Variants in SOX5 observed in about 807,000 individuals in gnomAD.
SOX5 encodes SRY-box transcription factor 5.
SOX5 carries 9 observed loss-of-function variants against 92.0 expected under a neutral mutation model. The ratio of observed to expected loss-of-function variants is 0.10; its 90% CI spans 0.06 to 0.17. The LOEUF (loss-of-function observed/expected upper bound fraction) is 0.17, where lower values mean the gene tolerates loss of function less well. Ranked by LOEUF, SOX5 falls within the 10% of genes least tolerant of loss-of-function variation. The pLI, the probability that SOX5 is intolerant of heterozygous loss-of-function variation, is 1.00. For synonymous variants in SOX5, 344 were observed against 336.3 expected (o/e 1.02, Z -0.25); for missense variants, 642 against 944.5 (o/e 0.68, Z 4.20).
intron 1 of SOX5, among the ~76,000 whole-genome samples, chr12:24,526,915 C>A (rs1041181668): frequency 6.6e-6 from 1 of 151,896 alleles, no homozygotes; most frequent in Non-Finnish European, 1.5e-5. Context: ...ATCTGCCAGC[C>A]TCAAGTGATT....
chr12:23,743,538 CT>C (rs1477990267), intron 4 of SOX5, among the ~76,000 whole-genome samples: 4 of 152,100 alleles, frequency 2.6e-5, no homozygotes, highest in African/African-American at 9.7e-5. Flanking sequence ...TCTCGAACTC[CT>C]GTCCTCGTGA....
At chr12:23,683,260 T>C (rs1045337258) in intron 6 of SOX5, among the ~76,000 whole-genome samples, 1 of 151,892 alleles carries the variant, frequency 6.6e-6, no homozygotes, top group Non-Finnish European at 1.5e-5. Context: ...GTTATTCTGC[T>C]TGTGTCTGAT....
intron 4 of SOX5, among the ~76,000 whole-genome samples, chr12:23,998,826 G>T (rs1410883214): frequency 9.3e-6 from 1 of 107,656 alleles, no homozygotes; most frequent in Non-Finnish European, 1.9e-5. Context: ...AAAAAAAAAA[G>T]GGGGGGCGAA....
upstream of SOX5, among the ~76,000 whole-genome samples, chr12:23,955,406 T>A (rs898830453): frequency 1.3e-5 from 2 of 152,210 alleles, no homozygotes; most frequent in Non-Finnish European, 1.5e-5. Context: ...AATTTGGCTC[T>A]ATTTTTAAGA....
chr12:23,826,118 C>T (rs1308600675), intron 3 of SOX5, among the ~76,000 whole-genome samples: 1 of 151,990 alleles, frequency 6.6e-6, no homozygotes, highest in Non-Finnish European at 1.5e-5. Context: ...TGGTGTGCTG[C>T]ACCCAGTAAC....
intron 1 of SOX5, among the ~76,000 whole-genome samples, chr12:24,432,273 T>A (rs540831077): frequency 1.3e-5 from 2 of 152,312 alleles, no homozygotes; most frequent in African/African-American, 4.8e-5. Context: ...GTGCTTCACA[T>A]CCTTGTCCAT....
intron 7 of SOX5, among the ~76,000 whole-genome samples, chr12:23,656,663 A>AT (rs748286662): frequency 1.8e-4 from 28 of 152,224 alleles, no homozygotes; most frequent in Non-Finnish European, 1.8e-4. Context: ...GGTATATGAT[A>AT]TACAGTACAT....
At chr12:24,538,493 C>T (rs1185796387) in intron 1 of SOX5, among the ~76,000 whole-genome samples, 6 of 152,006 alleles carry the variant, frequency 3.9e-5, no homozygotes, top group Admixed American at 1.3e-4. Flanking sequence ...CAGCTATGTT[C>T]GCCGGTCAGA....
At chr12:24,141,387 T>C (rs146877352) in intron 4 of SOX5, among the ~76,000 whole-genome samples, 288 of 152,314 alleles carry the variant, frequency 1.9e-3, no homozygotes, top group Middle Eastern at 0.014. Context: ...AGTGGATATA[T>C]TGACAGGAAG....
intron 1 of SOX5, among the ~76,000 whole-genome samples, chr12:24,387,644 A>G (rs1958565304): frequency 6.6e-6 from 1 of 152,204 alleles, no homozygotes; most frequent in African/African-American, 2.4e-5. Flanking sequence ...TTCATGAAAG[A>G]TGACGATAAT....
intron 4 of SOX5, among the ~76,000 whole-genome samples, chr12:24,209,516 C>T (rs1958365408): frequency 1.3e-5 from 2 of 152,108 alleles, no homozygotes; most frequent in Admixed American, 6.5e-5. Context: ...ATAGGCAAAT[C>T]ATGAAAATCT....
At chr12:24,170,624 C>A (rs2139120262) in intron 4 of SOX5, among the ~76,000 whole-genome samples, 1 of 152,290 alleles carries the variant, frequency 6.6e-6, no homozygotes. Flanking sequence ...AACTTGAAAA[C>A]CAATGAGATT....
At chr12:24,542,900 C>G (rs1009580101) in intron 1 of SOX5, among the ~76,000 whole-genome samples, 3 of 152,154 alleles carry the variant, frequency 2.0e-5, no homozygotes, top group South Asian at 2.1e-4. Context: ...AACTAAGAAG[C>G]ATTCAATATA....
At chr12:23,825,864 AG>A (rs1330790428) in intron 3 of SOX5, among the ~76,000 whole-genome samples, 1 of 152,238 alleles carries the variant, frequency 6.6e-6, no homozygotes, top group Non-Finnish European at 1.5e-5. Context: ...TAAAAAGCAA[AG>A]AAAAAAAATC....
At chr12:24,263,564 A>C (rs1235133046) in intron 3 of SOX5, among the ~76,000 whole-genome samples, 1 of 151,188 alleles carries the variant, frequency 6.6e-6, no homozygotes, top group African/African-American at 2.4e-5. Flanking sequence ...AAAAACAAGA[A>C]ATTACTAAAA....
intron 1 of SOX5, among the ~76,000 whole-genome samples, chr12:24,526,371 G>T (rs1013860993): frequency 2.2e-4 from 33 of 152,250 alleles, no homozygotes; most frequent in Middle Eastern, 3.4e-3. Flanking sequence ...TCCTGTATGA[G>T]CAGACAGGAG....
At chr12:23,934,240 T>G (rs1942040500) in intron 1 of SOX5, among the ~76,000 whole-genome samples, 1 of 151,278 alleles carries the variant, frequency 6.6e-6, no homozygotes, top group Admixed American at 6.6e-5. Context: ...CATTAGAAAA[T>G]AATAAACATA....
intron 1 of SOX5, among the ~76,000 whole-genome samples, chr12:24,500,488 T>G (rs191889729): frequency 1.3e-5 from 2 of 152,154 alleles, no homozygotes; most frequent in African/African-American, 4.8e-5. Flanking sequence ...TTGTATAAAC[T>G]GTTTGAATTG....
At chr12:24,249,133 G>A (rs139869190) in intron 3 of SOX5, among the ~76,000 whole-genome samples, 4 of 152,264 alleles carry the variant, frequency 2.6e-5, no homozygotes, top group African/African-American at 9.6e-5. Context: ...ACATTACCTG[G>A]CATAGAGTAG....
Sources: gnomAD v4.1 joint callset for allele counts (sites outside exome capture counted in the v4.1 genomes callset) on GRCh38, gnomAD v4.1.1 for gene constraint, MANE v1.5 for transcripts, NCBI Gene and HGNC (gene_info 2026-07-23, HGNC 2026-07-21) for gene names.